ANKRD36B: variants seen among roughly 807,000 people sequenced by gnomAD.
ANKRD36B encodes the protein ankyrin repeat domain 36B, also known as ankyrin repeat domain-containing protein 36B.
ANKRD36B carries 37 observed loss-of-function variants against 135.7 expected under a neutral mutation model. That is an observed-to-expected ratio of 0.27 (90% CI 0.21 to 0.36). ANKRD36B has a LOEUF of 0.36. ANKRD36B is among the 10% of genes least tolerant of loss of function. ANKRD36B has a pLI of 1.00. For synonymous variants in ANKRD36B, 179 were observed against 348.1 expected (o/e 0.51, Z 5.41); for missense variants, 549 against 1,037.1 (o/e 0.53, Z 6.46).
At chr2:97,547,924 A>T (rs1255948505) in intron 20 of ANKRD36B, among the ~76,000 whole-genome samples, 193 bp from the exon 21 acceptor site, 5 of 151,758 alleles carry the variant, frequency 3.3e-5, no homozygotes, top group Admixed American at 6.6e-5. Context: ...CTCCATGAAA[A>T]ATACTCTTAT....
intron 6 of ANKRD36B, among the ~76,000 whole-genome samples, chr2:97,572,749 A>C (rs1360534633): frequency 6.6e-6 from 1 of 151,814 alleles, no homozygotes; most frequent in Non-Finnish European, 1.5e-5. Context: ...TTAAAAAAAA[A>C]AACAGTAAAA....
intron 18 of ANKRD36B, 70 bp from the exon 19 acceptor site, chr2:97,549,684 T>C: frequency 6.3e-7 from 1 of 1,599,468 alleles, no homozygotes. Context: ...ATTCATGCAG[T>C]GTTAGCATCA....
intron 18 of ANKRD36B, among the ~76,000 whole-genome samples, chr2:97,550,373 T>G (rs2079931128): frequency 1.3e-5 from 2 of 151,810 alleles, no homozygotes; most frequent in South Asian, 4.1e-4. Context: ...TAGATATTGA[T>G]GTTTTACATT....
rs1224748391 is a variant in ANKRD36B, at chr2:97,580,535, G to T, written c.484C>A (p.Arg162=). The change falls in exon 4 of 44, where the codon CGA becomes AGA. Residue 162 remains arginine, a synonymous_variant. Coordinates refer to ENST00000359901, the MANE Select transcript of ANKRD36B (RefSeq NM_001393939.1). ...AATTCCACCATTTTCACTTTTCTTCGACTCACAGCAAGTAACAGTGGCTGA... is the reference window on the plus strand; with the variant it reads ...AATTCCACCATTTTCACTTTTCTTCTACTCACAGCAAGTAACAGTGGCTGA... ...EYQPLLLAVS[R]RKVKMVEFLL... 1.9e-6 allele frequency: 3 copies of T among 1,546,524 alleles called. No homozygotes were observed. Among genetic ancestry groups the T allele is most frequent in the Non-Finnish European group, 2.6e-6 (3 of 1,143,976 alleles).
intron 34 of ANKRD36B, among the ~76,000 whole-genome samples, chr2:97,533,969 T>A (rs1309184788): frequency 2.2e-5 from 2 of 92,072 alleles, no homozygotes; most frequent in Non-Finnish European, 5.7e-5. Context: ...GGCAGGAGAA[T>A]CGCTTTAACC....
rs2104389690 is a variant in ANKRD36B at position 97,524,516 on chromosome 2, G to GTTT, written c.2266-1050_2266-1049insAAA. Reference sequence around the variant, plus strand: ...CGAAGGTGACTGGCAAGCATATTCTGGAGACCCAGAGTATGAATGAGAAAG... The same window carrying GTTT: ...CGAAGGTGACTGGCAAGCATATTCTGTTTGAGACCCAGAGTATGAATGAGAAAG... On this transcript the variant is annotated intron_variant, in intron 35 of 43. Coordinates refer to ENST00000359901, the MANE Select transcript of ANKRD36B (RefSeq NM_001393939.1). The GTTT allele has an allele frequency of 2.1e-5, 2 of 95,708 alleles. 1 individual carries two copies. Among genetic ancestry groups the GTTT allele is most frequent in the African/African-American group, 6.3e-5 (2 of 31,960 alleles). 5.9% of individuals were successfully genotyped at this position (95,708 alleles called of 1,614,324 possible). A position where few individuals can be genotyped will look rare whatever the true frequency, so the allele number is the denominator to read the frequency against.
chr2:97,586,673 C>T lies in ANKRD36B; in HGVS notation c.162-1275G>A, dbSNP rs575837765. Among the ~76,000 whole-genome samples the T allele has an allele frequency of 2.8e-3, 419 of 152,230 alleles. 1 individual carries two copies. The highest frequency in any genetic ancestry group is 9.6e-3 in the African/African-American group (397 of 41,556). ...AGTGCTTTTGGAATAGTGATAATCACTTATATTTGCTCATTTTCATTTTCA... is the reference window on the plus strand; with the variant it reads ...AGTGCTTTTGGAATAGTGATAATCATTTATATTTGCTCATTTTCATTTTCA... On this transcript the variant is annotated intron_variant, in intron 1 of 43. Coordinates refer to ENST00000359901, the MANE Select transcript of ANKRD36B (RefSeq NM_001393939.1).
chr2:97,587,720 C>A (rs2442306), intron 1 of ANKRD36B, among the ~76,000 whole-genome samples: 9,182 of 152,090 alleles, frequency 0.06, 660 homozygotes, highest in African/African-American at 0.17. Flanking sequence ...TACTTACCAA[C>A]AAATTGTCTA....
intron 12 of ANKRD36B, among the ~76,000 whole-genome samples, chr2:97,556,635 T>C (rs1377087563): frequency 6.6e-6 from 1 of 151,802 alleles, no homozygotes; most frequent in Non-Finnish European, 1.5e-5. Context: ...CCCCTCTCCA[T>C]AGAAACATGC....
chr2:97,580,716 T>G (rs2082579675), intron 3 of ANKRD36B, 148 bp from the exon 4 acceptor site: 1 of 596,892 alleles, frequency 1.7e-6, no homozygotes, highest in Non-Finnish European at 2.7e-6. Flanking sequence ...TCGGTGCTTT[T>G]CTATGTTCTG....
chr2:97,569,475 G>A (rs896150431), intron 6 of ANKRD36B, among the ~76,000 whole-genome samples: 6 of 151,984 alleles, frequency 3.9e-5, no homozygotes, highest in African/African-American at 9.7e-5. Context: ...TTCTAATGGC[G>A]GGTACATTTA....
chr2:97,551,566 T>A (rs2080072382), intron 16 of ANKRD36B, 86 bp from the exon 17 acceptor site: 1 of 1,586,492 alleles, frequency 6.3e-7, no homozygotes, highest in Admixed American at 1.7e-5. Flanking sequence ...TATCAACCTC[T>A]GTCCTCCTGC....
intron 20 of ANKRD36B, among the ~76,000 whole-genome samples, chr2:97,548,372 T>C (rs2079698451): frequency 6.6e-6 from 1 of 151,962 alleles, no homozygotes; most frequent in Non-Finnish European, 1.5e-5. Flanking sequence ...CTTCCAAAAG[T>C]TTCTTCATCC....
Position 97,553,184 on chromosome 2 carries a change from T to C in ANKRD36B, c.1257A>G (p.Gly419=). Reference sequence around the variant, plus strand: ...CAAAATTACCTGTCCCAGATTTTTCTCCATCCTTTATTTCTGTGGCTATAT... The same window carrying C: ...CAAAATTACCTGTCCCAGATTTTTCCCCATCCTTTATTTCTGTGGCTATAT... The part of the protein sequence containing the change: ...VSNIATEIKD[G]EKSGTVSSQK... Residue 419 remains glycine (G), a synonymous_variant, in exon 16 of 44, where the codon GGA becomes GGG. Transcript: ENST00000359901. The C allele has an allele frequency of 1.2e-6, 2 of 1,611,414 alleles. No individual in the cohort carries two copies. The highest frequency in any genetic ancestry group is 1.7e-6 in the Non-Finnish European group (2 of 1,178,712).
Position 97,560,704 on chromosome 2 carries a change from T to C in ANKRD36B, c.826A>G (p.Ile276Val), listed in dbSNP as rs780012890. ...GGTCCCTCCTTTATTTCTGTGGCTA[T>C]ATTTGAAACAGAATCTTTGTCGTCA... Reference protein sequence around the residue: ...TSDDKDSVSNIATEIKEGPIS... With the variant: ...TSDDKDSVSNVATEIKEGPIS... The change falls in exon 8 of 44, where the codon ATA becomes GTA. Residue 276 changes from isoleucine (I) to valine (V), a missense_variant. Coordinates refer to ENST00000359901, the MANE Select transcript of ANKRD36B (RefSeq NM_001393939.1). 1.9e-6 allele frequency: 3 copies of C among 1,603,212 alleles called. No individual in the cohort carries two copies. The highest frequency in any genetic ancestry group is 2.2e-5 in the East Asian group (1 of 44,822).
intron 1 of ANKRD36B, among the ~76,000 whole-genome samples, chr2:97,587,536 G>A (rs2083100755): frequency 1.3e-5 from 2 of 152,092 alleles, no homozygotes; most frequent in Admixed American, 1.3e-4. Flanking sequence ...TGGATGCACT[G>A]AAATTTATTG....
chr2:97,525,292 A>G lies in ANKRD36B; in HGVS notation c.2266-1825T>C, dbSNP rs1395740248. Among the ~76,000 whole-genome samples the G allele has an allele frequency of 2.6e-4, 25 of 97,162 alleles. 6 individuals carry two copies. The East Asian group carries it at 5.7e-3, about 22-fold the overall frequency. 63.7% of individuals were successfully genotyped at this position (97,162 alleles called of 152,430 possible). A position where few individuals can be genotyped will look rare whatever the true frequency, so the allele number is the denominator to read the frequency against. On this transcript the variant is annotated intron_variant, in intron 35 of 43. Coordinates refer to ENST00000359901, the MANE Select transcript of ANKRD36B (RefSeq NM_001393939.1). ...AGGCACTGTCACTTTAAAAGATTTT[A>G]TCACTATATGAACAGTGTACACTTG...
chr2:97,570,233 T>C (rs1020170811), intron 6 of ANKRD36B, among the ~76,000 whole-genome samples: 8 of 152,176 alleles, frequency 5.3e-5, no homozygotes, highest in African/African-American at 1.7e-4. Flanking sequence ...AGCACCATGC[T>C]ATGTTATATT....
At chr2:97,562,510 A>G (rs2081119193) in intron 6 of ANKRD36B, among the ~76,000 whole-genome samples, 1 of 151,970 alleles carries the variant, frequency 6.6e-6, no homozygotes, top group South Asian at 2.1e-4. Context: ...CCTGTGGGTT[A>G]CCCTCATCCT....
Sources: gnomAD v4.1 joint callset for allele counts (sites outside exome capture counted in the v4.1 genomes callset) on GRCh38, gnomAD v4.1.1 for gene constraint, MANE v1.5 for transcripts, NCBI Gene and HGNC (gene_info 2026-07-23, HGNC 2026-07-21) for gene names.